Variants in LPAR3 observed in about 807,000 individuals in gnomAD.
LPAR3 encodes LPA receptor 3.
Under a neutral mutation model 17.8 loss-of-function variants are expected in LPAR3, and 7 were observed. The observed-to-expected ratio is 0.39, with a 90% confidence interval of 0.22 to 0.74. The LOEUF (loss-of-function observed/expected upper bound fraction) is 0.74, where lower values mean the gene tolerates loss of function less well. LPAR3 is among the 30% of genes least tolerant of loss of function. LPAR3 has a pLI of 0.40. For synonymous variants in LPAR3, 179 were observed against 179.9 expected (o/e 0.99, Z 0.04); for missense variants, 391 against 453.4 (o/e 0.86, Z 1.25).
At chr1:84,826,083 G>A (rs539857557) in intron 2 of LPAR3, among the ~76,000 whole-genome samples, 3 of 151,776 alleles carry the variant, frequency 2.0e-5, no homozygotes, top group South Asian at 2.1e-4. Flanking sequence ...GTGAAGAAAC[G>A]TCACTACATC....
intron 2 of LPAR3, among the ~76,000 whole-genome samples, chr1:84,822,752 C>T (rs978933759): frequency 3.3e-5 from 5 of 152,174 alleles, no homozygotes; most frequent in African/African-American, 1.2e-4. Context: ...TTACACAAGG[C>T]CTGTTCAACA....
At chr1:84,855,771 C>T (rs375689133) in intron 2 of LPAR3, among the ~76,000 whole-genome samples, 29 of 152,086 alleles carry the variant, frequency 1.9e-4, no homozygotes, top group Middle Eastern at 6.8e-3. Context: ...AAACTGACTG[C>T]CAAGGGAGGT....
intron 2 of LPAR3, among the ~76,000 whole-genome samples, chr1:84,826,936 G>C (rs1459934529): frequency 6.6e-6 from 1 of 152,122 alleles, no homozygotes; most frequent in African/African-American, 2.4e-5. Flanking sequence ...GCATGCACTA[G>C]ATTTCTACGG....
At chr1:84,850,530 A>T (rs1659682495) in intron 2 of LPAR3, among the ~76,000 whole-genome samples, 1 of 152,140 alleles carries the variant, frequency 6.6e-6, no homozygotes, top group African/African-American at 2.4e-5. Flanking sequence ...CAAAGGTTGC[A>T]GTGAGCCGAG....
intron 1 of LPAR3, among the ~76,000 whole-genome samples, chr1:84,881,302 G>A (rs1660361230): frequency 6.6e-6 from 1 of 152,094 alleles, no homozygotes; most frequent in Non-Finnish European, 1.5e-5. Flanking sequence ...TTTTAGCAGT[G>A]GCTCTCACCT....
At chr1:84,857,605 C>T (rs138514560) in intron 2 of LPAR3, among the ~76,000 whole-genome samples, 137 of 152,292 alleles carry the variant, frequency 9.0e-4, no homozygotes, top group African/African-American at 2.9e-3. Flanking sequence ...GGATCAAGGG[C>T]GAGCTAAATG....
intron 2 of LPAR3, among the ~76,000 whole-genome samples, chr1:84,864,924 C>A (rs1660010028): frequency 6.6e-6 from 1 of 152,152 alleles, no homozygotes; most frequent in African/African-American, 2.4e-5. Context: ...ATCCATGCAG[C>A]CATAGTGGCT....
At chr1:84,864,246 CTG>C (rs1365935269) in intron 2 of LPAR3, among the ~76,000 whole-genome samples, 1 of 151,834 alleles carries the variant, frequency 6.6e-6, no homozygotes, top group Non-Finnish European at 1.5e-5. Flanking sequence ...AAAACAGAAT[CTG>C]ACCATCACCT....
intron 1 of LPAR3, among the ~76,000 whole-genome samples, chr1:84,878,874 G>A (rs571830078): frequency 3.4e-4 from 52 of 152,264 alleles, no homozygotes; most frequent in African/African-American, 1.2e-3. Context: ...TGGGCTCAGG[G>A]TAGACTGCTG....
chr1:84,845,942 G>T (rs972768681), intron 2 of LPAR3, among the ~76,000 whole-genome samples: 1 of 152,036 alleles, frequency 6.6e-6, no homozygotes, highest in South Asian at 2.1e-4. Flanking sequence ...GACAGGACAC[G>T]TTCCACCAAT....
chr1:84,825,658 G>A (rs1443181357), intron 2 of LPAR3, among the ~76,000 whole-genome samples: 2 of 152,134 alleles, frequency 1.3e-5, no homozygotes, highest in Non-Finnish European at 2.9e-5. Flanking sequence ...ACAAATCCAT[G>A]ATTGCTACAC....
intron 2 of LPAR3, among the ~76,000 whole-genome samples, chr1:84,817,920 C>A (rs1157131004): frequency 6.6e-6 from 1 of 152,202 alleles, no homozygotes; most frequent in East Asian, 1.9e-4. Flanking sequence ...GAGGTACCCT[C>A]CTACTCCTCC....
rs1660585285 is a variant in LPAR3 at position 84,893,129 on chromosome 1, G to A, written c.-132C>T. On this transcript the variant is annotated 5_prime_UTR_variant, in exon 1 of 3. Coordinates refer to ENST00000370611, the MANE Select transcript of LPAR3 (RefSeq NM_012152.3). The stretch of plus-strand genomic sequence containing the variant: ...GGGCGCCGGGCTCCAGCCGGGCGCG[G>A]AGAAGCAGCGGAGGACGCGGCGGGC... The A allele has an allele frequency of 2.6e-5, 4 of 152,100 alleles. No homozygotes were observed. The South Asian group carries it at 8.3e-4, about 31-fold the overall frequency. The allele number at this position is 152,100 out of a possible 1,614,324, so 9.4% of individuals were successfully genotyped here.
chr1:84,814,067 G>A lies in LPAR3; in HGVS notation c.841C>T (p.Leu281=), dbSNP rs1658878825. 6.2e-7 allele frequency: 1 copy of A among 1,614,142 alleles called. No homozygotes were observed. Among genetic ancestry groups the A allele is most frequent in the Non-Finnish European group, 8.5e-7 (1 of 1,180,024 alleles). The stretch of plus-strand genomic sequence containing the variant: ...TTCACGACGGAGTTGAGCAGCGCCA[G>A]CAGCAGGAACCACCTTTTCACATGC... ...VQHVKRWFLL[L]ALLNSVVNPI... is the part of the protein sequence containing the mutation. The change falls in exon 3 of 3, where the codon CTG becomes TTG. Residue 281 remains leucine (L), a synonymous_variant. Coordinates refer to ENST00000370611, the MANE Select transcript of LPAR3 (RefSeq NM_012152.3).
intron 2 of LPAR3, among the ~76,000 whole-genome samples, chr1:84,859,821 A>G (rs1294522440): frequency 6.6e-6 from 1 of 152,210 alleles, no homozygotes; most frequent in Non-Finnish European, 1.5e-5. Flanking sequence ...AAAATAAAGC[A>G]AAGTCCAGCC....
chr1:84,865,743 C>T lies in LPAR3; in HGVS notation c.378G>A (p.Glu126=), dbSNP rs1660032235. Residue 126 remains glutamate, a synonymous_variant, in exon 2 of 3, where the codon GAG becomes GAA. Coordinates refer to ENST00000370611, the MANE Select transcript of LPAR3 (RefSeq NM_012152.3). ...GCATCCTCATGATTGACATGTGCCTCTCCACGGCGATAACCAGCAAGTTGG... is the reference window on the plus strand; with the variant it reads ...GCATCCTCATGATTGACATGTGCCTTTCCACGGCGATAACCAGCAAGTTGG... The part of the protein sequence containing the change: ...SLTNLLVIAV[E]RHMSIMRMRV... 2 of 1,614,188 alleles carry T rather than the reference C, an allele frequency of 1.2e-6. No individual in the cohort carries two copies. Among genetic ancestry groups the T allele is most frequent in the East Asian group, 4.5e-5 (2 of 44,878 alleles).
intron 1 of LPAR3, among the ~76,000 whole-genome samples, chr1:84,888,128 TTA>T (rs59851142): frequency 0.66 from 97,978 of 147,766 alleles, 32,864 homozygotes; most frequent in East Asian, 0.84. Flanking sequence ...GATGTATATT[TTA>T]TATATATATA....
intron 2 of LPAR3, among the ~76,000 whole-genome samples, chr1:84,815,196 G>A (rs1055994480): frequency 3.3e-5 from 5 of 152,190 alleles, no homozygotes; most frequent in Non-Finnish European, 7.3e-5. Context: ...TAAGAGACAC[G>A]ATTTTGAACA....
chr1:84,877,400 C>T (rs1340412512), intron 1 of LPAR3, among the ~76,000 whole-genome samples: 1 of 152,176 alleles, frequency 6.6e-6, no homozygotes, highest in Admixed American at 6.5e-5. Context: ...ACTACTATCA[C>T]GGCAGATGAT....
Sources: gnomAD v4.1 joint callset for allele counts (sites outside exome capture counted in the v4.1 genomes callset) on GRCh38, gnomAD v4.1.1 for gene constraint, MANE v1.5 for transcripts, NCBI Gene and HGNC (gene_info 2026-07-23, HGNC 2026-07-21) for gene names.